The following CLCN5 variants were observed in gnomAD, a reference collection of about 807,000 sequenced individuals.
CLCN5 encodes the protein H(+)/Cl(-) exchange transporter 5.
Under a neutral mutation model 54.0 loss-of-function variants are expected in CLCN5, and 17 were observed. The observed-to-expected ratio is 0.31, with a 90% CI of 0.22 to 0.47. CLCN5 has a LOEUF of 0.47. CLCN5 is among the 20% of genes least tolerant of loss of function. The probability of loss-of-function intolerance (pLI) is 1.00; values close to 1 mark genes in which losing one functional copy is unlikely to be tolerated. For synonymous variants in CLCN5, 222 were observed against 233.0 expected (o/e 0.95, Z 0.43); for missense variants, 448 against 646.7 (o/e 0.69, Z 3.33).
intron 3 of CLCN5, among the ~76,000 whole-genome samples, chrX:49,933,804 C>G (rs1187002056): frequency 4.5e-5 from 5 of 111,948 alleles, no homozygotes; most frequent in African/African-American, 1.6e-4. Context: ...GCACGTGCTT[C>G]TAGATGAGAG....
chrX:50,082,910 G>A (rs1044081057), intron 9 of CLCN5, among the ~76,000 whole-genome samples: 4 of 110,747 alleles, frequency 3.6e-5, no homozygotes, highest in African/African-American at 1.3e-4. Context: ...TTTTGTTTCA[G>A]CCCAGCTAAA....
In CLCN5 at chrX:49,994,580, A is replaced by AT. The variant is rs1167087522; in HGVS notation, c.17-47734dup. 6.3e-5 allele frequency among the ~76,000 whole-genome samples: 7 copies of AT among 111,712 alleles called. No individual in the cohort carries two copies. The Admixed American group carries it at 6.7e-4, about 11-fold the overall frequency. On this transcript the variant is annotated intron_variant, in intron 3 of 14. Coordinates refer to ENST00000376091, the MANE Select transcript of CLCN5 (RefSeq NM_001127898.4). Reference sequence around the variant, plus strand: ...TTAGCTGTATTAAAGTCTAGTATATATTAAGCCCATTTGCCATGCAAAGTT... The same window carrying AT: ...TTAGCTGTATTAAAGTCTAGTATATATTTAAGCCCATTTGCCATGCAAAGTT...
chrX:49,978,431 T>A (rs1411576768), intron 3 of CLCN5, among the ~76,000 whole-genome samples: 3 of 112,256 alleles, frequency 2.7e-5, no homozygotes, highest in African/African-American at 9.7e-5. Context: ...TGTAAAGCAC[T>A]TGCTTGGCAC....
chrX:49,959,674 A>C, intron 3 of CLCN5, among the ~76,000 whole-genome samples: 1 of 111,579 alleles, frequency 9.0e-6, no homozygotes, highest in Non-Finnish European at 1.9e-5. Context: ...GCATGCTATC[A>C]GTTATTATGT....
intron 3 of CLCN5, among the ~76,000 whole-genome samples, chrX:49,954,284 A>C (rs1355868371): frequency 8.9e-6 from 1 of 111,771 alleles, no homozygotes; most frequent in African/African-American, 3.2e-5. Flanking sequence ...CGTGCAGTCC[A>C]GTACAGCTTT....
At chrX:50,025,540 T>G (rs1447453998) in intron 3 of CLCN5, among the ~76,000 whole-genome samples, 1 of 112,157 alleles carries the variant, frequency 8.9e-6, no homozygotes, top group African/African-American at 3.2e-5. Flanking sequence ...TTCTTACAAC[T>G]TTCACAATCT....
chrX:49,961,533 A>ATT (rs1295669035), intron 3 of CLCN5, among the ~76,000 whole-genome samples: 3 of 111,800 alleles, frequency 2.7e-5, no homozygotes, highest in Non-Finnish European at 5.6e-5. Flanking sequence ...TTCCTTAACT[A>ATT]TTACACTATT....
intron 4 of CLCN5, among the ~76,000 whole-genome samples, chrX:50,064,146 G>A (rs1399333593): frequency 9.2e-6 from 1 of 108,770 alleles, no homozygotes; most frequent in Non-Finnish European, 1.9e-5. Context: ...CATAGTGTTG[G>A]AAGTTCTGGC....
chrX:49,999,102 G>A (rs1337361438), intron 3 of CLCN5, among the ~76,000 whole-genome samples: 3 of 109,209 alleles, frequency 2.7e-5, no homozygotes, highest in Non-Finnish European at 5.7e-5. Flanking sequence ...GCATTATTAT[G>A]GGACACCCTC....
intron 3 of CLCN5, among the ~76,000 whole-genome samples, chrX:49,938,617 A>T (rs1328989731): frequency 8.9e-6 from 1 of 111,984 alleles, no homozygotes; most frequent in East Asian, 2.8e-4. Context: ...TCCCTTCCTT[A>T]CACCTTATAC....
At chrX:49,941,643 A>G (rs1250031155) in intron 3 of CLCN5, among the ~76,000 whole-genome samples, 1 of 110,830 alleles carries the variant, frequency 9.0e-6, no homozygotes, top group Non-Finnish European at 1.9e-5. Context: ...CGTTCTCTAG[A>G]CATAACCTCC....
At position 50,097,595 on chromosome X, in the gene CLCN5, C is replaced by T. The variant is rs1934301076; in HGVS notation, c.*5376C>T. The stretch of plus-strand genomic sequence containing the variant: ...ATCTCTGCCTCTCTTCTCTCTGCCT[C>T]GTCCCACCTTGCTGTCTGTCTCATT... On this transcript the variant is annotated 3_prime_UTR_variant, in exon 15 of 15. Coordinates refer to ENST00000376091, the MANE Select transcript of CLCN5 (RefSeq NM_001127898.4). The T allele has an allele frequency of 9.0e-6, 1 of 111,463 alleles. No individual in the cohort carries two copies. Among genetic ancestry groups the T allele is most frequent in the South Asian group, 3.8e-4 (1 of 2,644 alleles). 9.2% of individuals were successfully genotyped at this position (111,463 alleles called of 1,213,427 possible).
rs1360221603 is a variant in CLCN5, at chrX:49,934,693, A to G, written c.16+9379A>G. 4.5e-5 allele frequency among the ~76,000 whole-genome samples: 5 copies of G among 112,159 alleles called. No homozygotes were observed. In the East Asian group the frequency reaches 1.4e-3, roughly 31 times the overall value. The stretch of plus-strand genomic sequence containing the variant: ...ACATAGAGCAATTAGAAATAAATGC[A>G]GGACAGGGACCATCCAGTGGAAATG... On this transcript the variant is annotated intron_variant, in intron 3 of 14. Transcript: ENST00000376091.
chrX:49,954,459 C>G (rs1435117396), intron 3 of CLCN5, among the ~76,000 whole-genome samples: 1 of 111,364 alleles, frequency 9.0e-6, no homozygotes, highest in Admixed American at 9.6e-5. Context: ...CACCCCTGTT[C>G]TAGACCATAC....
chrX:50,034,360 A>G (rs975041360), intron 3 of CLCN5, among the ~76,000 whole-genome samples: 2 of 111,470 alleles, frequency 1.8e-5, no homozygotes, highest in Admixed American at 9.6e-5. Flanking sequence ...ATTTTAAATG[A>G]TATGACAATA....
At chrX:49,943,585 T>C (rs1926512272) in intron 3 of CLCN5, among the ~76,000 whole-genome samples, 1 of 107,982 alleles carries the variant, frequency 9.3e-6, no homozygotes. Context: ...TTGTATAAGG[T>C]GTAAGGAAGG....
chrX:49,998,292 G>C (rs1364763861), intron 3 of CLCN5, among the ~76,000 whole-genome samples: 1 of 111,562 alleles, frequency 9.0e-6, no homozygotes, highest in Non-Finnish European at 1.9e-5. Flanking sequence ...GAAGGTGTAT[G>C]GCAGCCTGAG....
chrX:49,924,698 A>T (rs1186380598), intron 2 of CLCN5, among the ~76,000 whole-genome samples: 1 of 111,341 alleles, frequency 9.0e-6, no homozygotes, highest in Non-Finnish European at 1.9e-5. Flanking sequence ...GGGTATCATC[A>T]CTCTTCACTT....
At chrX:50,008,439 T>C in intron 3 of CLCN5, 1 of 351,853 alleles carries the variant, frequency 2.8e-6, no homozygotes, top group Non-Finnish European at 5.9e-6. Context: ...CTGCTCCCCC[T>C]CTCTAATCCT....
Sources: allele counts gnomAD v4.1 joint callset (sites outside exome capture counted in the v4.1 genomes callset), GRCh38; gene constraint gnomAD v4.1.1; transcripts MANE v1.5; gene names NCBI Gene and HGNC (gene_info 2026-07-23, HGNC 2026-07-21).